Variants in DCAF12 observed in about 807,000 individuals in gnomAD.
DCAF12 encodes DDB1- and CUL4-associated factor 12.
DCAF12 carries 28 observed loss-of-function variants against 52.8 expected under a neutral mutation model. The observed-to-expected ratio is 0.53, with a 90% CI of 0.39 to 0.73. The LOEUF (loss-of-function observed/expected upper bound fraction) is 0.73. DCAF12 is among the 30% of genes least tolerant of loss of function. The pLI, the probability that DCAF12 is intolerant of heterozygous loss-of-function variation, is 0.00. For missense variants in DCAF12, 425 were observed against 552.2 expected, an observed-to-expected ratio of 0.77 and a Z score of 2.31; for synonymous variants, 196 against 215.5, an observed-to-expected ratio of 0.91 and a Z score of 0.79.
rs1828565186 is a variant in DCAF12 at position 34,086,915 on chromosome 9, G to A, written c.*1435C>T. 1 of 152,304 alleles carries A rather than the reference G, an allele frequency of 6.6e-6. No individual in the cohort carries two copies. The highest frequency in any genetic ancestry group is 2.4e-5 in the African/African-American group (1 of 41,564). The allele number at this position is 152,304 out of a possible 1,614,324, so 9.4% of individuals were successfully genotyped here. ...ATATGACTTTTCCTTTCCCCAAAAT[G>A]GGATGTTGACAGAAAAGCAGAGTAT... On this transcript the variant is annotated 3_prime_UTR_variant, in exon 9 of 9. Coordinates refer to ENST00000361264, the MANE Select transcript of DCAF12 (RefSeq NM_015397.4).
At chr9:34,099,066 G>C (rs1478419722) in intron 4 of DCAF12, among the ~76,000 whole-genome samples, 1 of 129,938 alleles carries the variant, frequency 7.7e-6, no homozygotes, top group East Asian at 2.3e-4. Context: ...CACCACACCT[G>C]GTCTGCTTTT....
Position 34,089,455 on chromosome 9 carries a change from A to G in DCAF12, c.1160T>C (p.Leu387Pro), listed in dbSNP as rs1564092695. 2 of 1,614,106 alleles carry G rather than the reference A, an allele frequency of 1.2e-6. No individual in the cohort carries two copies. The highest frequency in any genetic ancestry group is 1.7e-6 in the Non-Finnish European group (2 of 1,180,000). The change falls in exon 8 of 9, where the codon CTA (leucine) becomes CCA (proline). Residue 387 changes from leucine (L) to proline (P), a missense_variant. Around this residue, in one of 3 missense-constraint regions of DCAF12, gnomAD observed 328 missense variants for 444.4 expected, o/e 0.74. Transcript: ENST00000361264. ...GGTTAGTTTCAGATTCTCCCCTGCT[A>G]GTCTGGGCTTGGACCCATAACAAGC... ...LSACYGSKPR[L>P]AGENLKLTTG...
intron 2 of DCAF12, among the ~76,000 whole-genome samples, chr9:34,117,669 CT>C (rs1829108902): frequency 6.6e-6 from 1 of 152,130 alleles, no homozygotes; most frequent in Non-Finnish European, 1.5e-5. Flanking sequence ...AATCCCAGCA[CT>C]TTGGGAGGCC....
chr9:34,106,118 G>C (rs999802293), intron 4 of DCAF12, among the ~76,000 whole-genome samples: 2 of 151,492 alleles, frequency 1.3e-5, no homozygotes, highest in African/African-American at 4.8e-5. Context: ...TATTCTACAG[G>C]GTCACCCTCT....
Position 34,105,277 on chromosome 9 carries a change from G to T in DCAF12, c.601+1157C>A, listed in dbSNP as rs991657858. ...CAAAAAAAAAAAAAAATCATACTAA[G>T]GCTGGGTGCAGTGGCTCATGCCTGT... On this transcript the variant is annotated intron_variant, in intron 4 of 8. Transcript: ENST00000361264. 4.6e-5 allele frequency among the ~76,000 whole-genome samples: 7 copies of T among 151,296 alleles called. No homozygotes were observed. In the East Asian group the frequency reaches 1.4e-3, roughly 30 times the overall value.
intron 2 of DCAF12, among the ~76,000 whole-genome samples, chr9:34,114,131 T>A (rs531989057): frequency 6.6e-6 from 1 of 151,796 alleles, no homozygotes; most frequent in Non-Finnish European, 1.5e-5. Flanking sequence ...GTGGCACAGA[T>A]ACACAATGCA....
Position 34,115,448 on chromosome 9 carries a change from G to A in DCAF12, c.334-7883C>T, listed in dbSNP as rs189776818. 4.7e-3 allele frequency among the ~76,000 whole-genome samples: 108 copies of A among 22,738 alleles called. 2 individuals carry two copies. The highest frequency in any genetic ancestry group is 7.8e-3 in the Non-Finnish European group (57 of 7,276). 14.9% of individuals were successfully genotyped at this position (22,738 alleles called of 152,430 possible). A position where few individuals can be genotyped will look rare whatever the true frequency, so the allele number is the denominator to read the frequency against. On this transcript the variant is annotated intron_variant, in intron 2 of 8. Transcript: ENST00000361264. ...CTACTAAAAATACAAAAAATTAGCC[G>A]GGCGGCTGGGCATGGTGGCCTGCAC...
chr9:34,111,608 C>G (rs776569664), intron 2 of DCAF12, among the ~76,000 whole-genome samples: 1 of 152,180 alleles, frequency 6.6e-6, no homozygotes, highest in Non-Finnish European at 1.5e-5. Flanking sequence ...CTGTAGTAGG[C>G]CCCCACATCC....
At position 34,087,957 on chromosome 9, in the gene DCAF12, C is replaced by G. The variant is rs1421733498; in HGVS notation, c.*393G>C. ...GACACACACAGCTCCCAAACTTTCA[C>G]AGAAAGTCTGAGAGCAACCATGTAA... On this transcript the variant is annotated 3_prime_UTR_variant, in exon 9 of 9. Coordinates refer to ENST00000361264, the MANE Select transcript of DCAF12 (RefSeq NM_015397.4). 6.4e-6 allele frequency: 1 copy of G among 156,772 alleles called. No individual in the cohort carries two copies. Among genetic ancestry groups the G allele is most frequent in the Non-Finnish European group, 1.4e-5 (1 of 71,542 alleles). The allele number at this position is 156,772 out of a possible 1,614,324, so 9.7% of individuals were successfully genotyped here. A position where few individuals can be genotyped will look rare whatever the true frequency, so the allele number is the denominator to read the frequency against.
chr9:34,114,070 T>G (rs1465852196), intron 2 of DCAF12, among the ~76,000 whole-genome samples: 2 of 151,256 alleles, frequency 1.3e-5, no homozygotes, highest in Non-Finnish European at 2.9e-5. Flanking sequence ...ATCATGCCAC[T>G]GCACTCCAGC....
At chr9:34,108,482 G>GT (rs1828940194) in intron 2 of DCAF12, among the ~76,000 whole-genome samples, 1 of 152,126 alleles carries the variant, frequency 6.6e-6, no homozygotes, top group South Asian at 2.1e-4. Flanking sequence ...GAGAAACTAG[G>GT]TGAGTCTTAA....
intron 7 of DCAF12, 73 bp downstream of exon 7, chr9:34,093,213 C>A (rs1587730921): frequency 6.3e-7 from 1 of 1,576,176 alleles, no homozygotes; most frequent in East Asian, 2.2e-5. Context: ...GTTTGGAAAC[C>A]AACAAAGAAA....
Position 34,116,928 on chromosome 9 carries a change from G to A in DCAF12, c.333+8095C>T, listed in dbSNP as rs117094918. On this transcript the variant is annotated intron_variant, in intron 2 of 8. Transcript: ENST00000361264. ...CAAGAGGCGGAGGTTGCAGTAAGCCGAGATCGTGCCCCTACACTCCAGCCT... is the reference window on the plus strand; with the variant it reads ...CAAGAGGCGGAGGTTGCAGTAAGCCAAGATCGTGCCCCTACACTCCAGCCT... Among the ~76,000 whole-genome samples, 1,021 of 152,288 alleles carry A rather than the reference G, an allele frequency of 6.7e-3. 6 individuals carry two copies. The highest frequency in any genetic ancestry group is 9.5e-3 in the Non-Finnish European group (648 of 68,032).
chr9:34,104,055 A>G (rs1437868677), intron 4 of DCAF12, among the ~76,000 whole-genome samples: 1 of 151,830 alleles, frequency 6.6e-6, no homozygotes. Flanking sequence ...GATCACTTGA[A>G]GTCAGGAGTT....
chr9:34,097,939 GAAA>G (rs74326483), intron 5 of DCAF12, among the ~76,000 whole-genome samples: 1 of 98,088 alleles, frequency 1.0e-5, no homozygotes, highest in Non-Finnish European at 2.2e-5. Context: ...GTCTCAAAAA[GAAA>G]AAAAAAAAAA....
intron 7 of DCAF12, among the ~76,000 whole-genome samples, 156 bp downstream of exon 7, chr9:34,093,109 AAAGTGCTGGGATTACAGGCGT>A (rs1354532291): frequency 6.6e-6 from 1 of 152,192 alleles, no homozygotes; most frequent in Non-Finnish European, 1.5e-5. Context: ...TCGGCCTCCC[AAAGTGCTGGGATTACAGGCGT>A]AAGCCACCAC....
At chr9:34,099,648 C>T (rs995049632) in intron 4 of DCAF12, among the ~76,000 whole-genome samples, 4 of 151,776 alleles carry the variant, frequency 2.6e-5, no homozygotes, top group Admixed American at 6.6e-5. Flanking sequence ...GGCTGGAGTG[C>T]AATGGCATGA....
At chr9:34,114,570 G>T (rs1829055043) in intron 2 of DCAF12, among the ~76,000 whole-genome samples, 1 of 152,160 alleles carries the variant, frequency 6.6e-6, no homozygotes, top group Admixed American at 6.6e-5. Context: ...TCTGACAAGG[G>T]TCCAAGGATT....
intron 2 of DCAF12, among the ~76,000 whole-genome samples, chr9:34,122,037 G>A (rs1315138155): frequency 2.0e-5 from 3 of 152,066 alleles, no homozygotes; most frequent in East Asian, 1.9e-4. Flanking sequence ...CTGCTCCCCC[G>A]CAGCAGTTCT....
Sources: allele counts gnomAD v4.1 joint callset (sites outside exome capture counted in the v4.1 genomes callset), GRCh38; gene constraint gnomAD v4.1.1; regional missense constraint gnomAD v4.1.1; transcripts MANE v1.5; gene names NCBI Gene and HGNC (gene_info 2026-07-23, HGNC 2026-07-21).